The following TIAM1 variants were observed in gnomAD, a reference collection of about 807,000 sequenced individuals.
TIAM1 encodes the protein TIAM Rac1 associated GEF 1.
A neutral mutation model predicts 163.5 loss-of-function variants in TIAM1; 65 were observed. The observed-to-expected ratio is 0.40, with a 90% CI of 0.33 to 0.49. The LOEUF is 0.49. TIAM1 is among the 20% of genes least tolerant of loss of function. TIAM1 has a pLI of 0.77. For synonymous variants in TIAM1, 833 were observed against 810.1 expected (o/e 1.03, Z -0.48); for missense variants, 1,789 against 2,044.7 (o/e 0.87, Z 2.41).
rs1469238021 is a variant in TIAM1, at chr21:31,144,778, G to A, written c.3475+2117C>T. Among the ~76,000 whole-genome samples the A allele has an allele frequency of 3.8e-5, 5 of 132,418 alleles. No individual in the cohort carries two copies. The East Asian group carries it at 7.2e-4, about 19-fold the overall frequency. 86.9% of individuals were successfully genotyped at this position (132,418 alleles called of 152,430 possible). On this transcript the variant is annotated intron_variant, in intron 20 of 27. Coordinates refer to ENST00000541036, the MANE Select transcript of TIAM1 (RefSeq NM_001353694.2). ...TGGGAGGCAGAGGTTGCAGTGAGCCGAGATCACACCACTGCGCTCCAGCCT... is the reference window on the plus strand; with the variant it reads ...TGGGAGGCAGAGGTTGCAGTGAGCCAAGATCACACCACTGCGCTCCAGCCT...
At chr21:31,382,644 C>T (rs2076797217) in intron 2 of TIAM1, among the ~76,000 whole-genome samples, 1 of 152,136 alleles carries the variant, frequency 6.6e-6, no homozygotes, top group Non-Finnish European at 1.5e-5. Context: ...ATTGAAGTAC[C>T]TATGCTTTTT....
chr21:31,229,952 C>A (rs989364182), intron 6 of TIAM1, among the ~76,000 whole-genome samples: 1 of 152,204 alleles, frequency 6.6e-6, no homozygotes, highest in African/African-American at 2.4e-5. Flanking sequence ...CGCGCCCGGC[C>A]ATCTTCACCC....
chr21:31,381,986 G>C (rs1208110720), intron 2 of TIAM1, among the ~76,000 whole-genome samples: 1 of 152,164 alleles, frequency 6.6e-6, no homozygotes, highest in African/African-American at 2.4e-5. Context: ...AGAAATAAAT[G>C]TTTGTTGATT....
chr21:31,430,752 T>C (rs2043999013), intron 2 of TIAM1, among the ~76,000 whole-genome samples: 1 of 152,194 alleles, frequency 6.6e-6, no homozygotes, highest in Non-Finnish European at 1.5e-5. Context: ...TTCATTTAAA[T>C]TCCTTATTGT....
chr21:31,526,095 C>T (rs2047775459), intron 1 of TIAM1, among the ~76,000 whole-genome samples: 2 of 151,770 alleles, frequency 1.3e-5, no homozygotes, highest in South Asian at 4.2e-4. Flanking sequence ...TGAACCTGGT[C>T]TGCAGTTCTC....
intron 15 of TIAM1, among the ~76,000 whole-genome samples, chr21:31,178,963 C>T (rs974025445): frequency 2.0e-4 from 30 of 151,104 alleles, no homozygotes; most frequent in Non-Finnish European, 2.8e-4. Context: ...GTTGGTCAGG[C>T]TGGTCTCGAA....
intron 3 of TIAM1, among the ~76,000 whole-genome samples, chr21:31,272,383 T>G (rs1394020758): frequency 1.1e-4 from 16 of 151,888 alleles, no homozygotes; most frequent in Admixed American, 1.1e-3. Flanking sequence ...TATACACAAA[T>G]ACTTATTAGT....
intron 1 of TIAM1, among the ~76,000 whole-genome samples, chr21:31,512,950 A>G (rs2047263105): frequency 6.6e-6 from 1 of 152,066 alleles, no homozygotes; most frequent in African/African-American, 2.4e-5. Flanking sequence ...AGCCAAAGAC[A>G]GTCTTTTCTA....
chr21:31,517,472 C>T (rs1215223700), intron 1 of TIAM1, among the ~76,000 whole-genome samples: 1 of 151,934 alleles, frequency 6.6e-6, no homozygotes, highest in Non-Finnish European at 1.5e-5. Flanking sequence ...TAAAACTGTC[C>T]CCAAAGTTAT....
chr21:31,292,825 C>T (rs1192987675), intron 2 of TIAM1, among the ~76,000 whole-genome samples: 4 of 152,020 alleles, frequency 2.6e-5, no homozygotes, highest in African/African-American at 4.8e-5. Flanking sequence ...CGCACCACCA[C>T]GCCTGGCTAA....
chr21:31,345,680 G>A (rs2076135009), upstream of TIAM1, among the ~76,000 whole-genome samples: 1 of 152,200 alleles, frequency 6.6e-6, no homozygotes, highest in Non-Finnish European at 1.5e-5. Flanking sequence ...AATGGGCACG[G>A]TGGCTCACGC....
chr21:31,389,515 A>G (rs2076933995), intron 2 of TIAM1, among the ~76,000 whole-genome samples: 1 of 152,166 alleles, frequency 6.6e-6, no homozygotes, highest in African/African-American at 2.4e-5. Context: ...AGGCTTCCCA[A>G]CCATTTAAAA....
At chr21:31,288,691 C>T (rs545805586) in intron 2 of TIAM1, among the ~76,000 whole-genome samples, 1 of 152,232 alleles carries the variant, frequency 6.6e-6, no homozygotes, top group South Asian at 2.1e-4. Context: ...TGGCCAATTC[C>T]AATGCAGATT....
chr21:31,243,651 A>G (rs748371437), intron 6 of TIAM1, among the ~76,000 whole-genome samples: 2 of 152,218 alleles, frequency 1.3e-5, no homozygotes, highest in South Asian at 2.1e-4. Context: ...TAAAAGATAC[A>G]TATCTGAAAG....
chr21:31,240,753 C>T (rs1045993244), intron 6 of TIAM1, among the ~76,000 whole-genome samples: 3 of 152,062 alleles, frequency 2.0e-5, no homozygotes, highest in Non-Finnish European at 4.4e-5. Flanking sequence ...TGATAACAGT[C>T]GAACAAATAA....
intron 4 of TIAM1, among the ~76,000 whole-genome samples, chr21:31,265,315 G>A (rs2072697959): frequency 6.8e-6 from 1 of 148,130 alleles, no homozygotes; most frequent in South Asian, 2.1e-4. Flanking sequence ...AAGCAGGCAA[G>A]CTGAGCATCT....
intron 1 of TIAM1, among the ~76,000 whole-genome samples, chr21:31,525,183 A>C (rs1368439529): frequency 1.3e-5 from 2 of 152,026 alleles, no homozygotes; most frequent in Non-Finnish European, 2.9e-5. Context: ...CAGCCTGGCC[A>C]ACATGGTGAC....
chr21:31,513,302 G>A (rs898919732), intron 1 of TIAM1, among the ~76,000 whole-genome samples: 1 of 152,150 alleles, frequency 6.6e-6, no homozygotes, highest in Non-Finnish European at 1.5e-5. Context: ...TGGGGAAACT[G>A]AGGCCCAGAG....
intron 1 of TIAM1, among the ~76,000 whole-genome samples, chr21:31,464,989 G>A (rs926951623): frequency 2.6e-5 from 4 of 152,004 alleles, no homozygotes; most frequent in African/African-American, 9.7e-5. Context: ...CAGCTTGGGG[G>A]ACAGAGTGAG....
Sources: allele counts gnomAD v4.1 joint callset (sites outside exome capture counted in the v4.1 genomes callset), GRCh38; gene constraint gnomAD v4.1.1; transcripts MANE v1.5; gene names NCBI Gene and HGNC (gene_info 2026-07-23, HGNC 2026-07-21).